Variants in OR4F16 observed in about 807,000 individuals in gnomAD.
OR4F16 encodes olfactory receptor family 4 subfamily F member 16, also known as olfactory receptor 4F3/4F16/4F29.
chr1:712,075 T>C, the OR4F16 span, among the ~76,000 whole-genome samples: 1 of 1,184 alleles, frequency 8.4e-4, no homozygotes, highest in African/African-American at 1.0e-3. Context: ...ATTATATATA[T>C]AATATTATAT....
At chr1:692,090 G>T in the OR4F16 span, among the ~76,000 whole-genome samples, 49 of 147,190 alleles carry the variant, frequency 3.3e-4, 1 homozygote, top group African/African-American at 1.3e-3. Context: ...AATCAGGCCA[G>T]GTGCAGTGGC....
At chr1:693,237 G>C in the OR4F16 span, among the ~76,000 whole-genome samples, 1 of 148,786 alleles carries the variant, frequency 6.7e-6, no homozygotes, top group Non-Finnish European at 1.5e-5. Context: ...GAGGAGAAGA[G>C]AGAACAAAGA....
At chr1:714,057 A>ATG in the OR4F16 span, among the ~76,000 whole-genome samples, 828 of 136,266 alleles carry the variant, frequency 6.1e-3, 4 homozygotes, top group Non-Finnish European at 9.3e-3. Flanking sequence ...ATATATATAT[A>ATG]TGTGTGTGTG....
chr1:715,898 A>G, the OR4F16 span, among the ~76,000 whole-genome samples: 2 of 150,254 alleles, frequency 1.3e-5, no homozygotes, highest in East Asian at 3.9e-4. Flanking sequence ...GGTAAGAAAA[A>G]TTAGGGGAAC....
chr1:712,009 T>C, the OR4F16 span: 1 of 111,288 alleles, frequency 9.0e-6, no homozygotes, highest in South Asian at 2.2e-4. Flanking sequence ...TTATATATTA[T>C]ATATTGTATA....
chr1:715,815 G>A, the OR4F16 span, among the ~76,000 whole-genome samples: 2 of 150,620 alleles, frequency 1.3e-5, no homozygotes, highest in Non-Finnish European at 2.9e-5. Context: ...CTGGGTGGTA[G>A]AGTAAGACCC....
the OR4F16 span, among the ~76,000 whole-genome samples, chr1:715,578 G>A: frequency 1.1e-5 from 1 of 91,828 alleles, no homozygotes; most frequent in African/African-American, 5.0e-5. Flanking sequence ...GCTTATGTCT[G>A]TAATATCAGC....
the OR4F16 span, among the ~76,000 whole-genome samples, chr1:717,269 AG>A: frequency 4.6e-5 from 7 of 151,456 alleles, no homozygotes; most frequent in African/African-American, 1.5e-4. Flanking sequence ...TCTCACAGAT[AG>A]GGATCCAGAT....
chr1:713,549 C>A, the OR4F16 span, among the ~76,000 whole-genome samples: 2 of 135,214 alleles, frequency 1.5e-5, no homozygotes, highest in Non-Finnish European at 3.0e-5. Flanking sequence ...CCACCATAGT[C>A]TCTCCCATTT....
the OR4F16 span, among the ~76,000 whole-genome samples, chr1:710,142 AT>A: frequency 7.9e-6 from 1 of 126,084 alleles, no homozygotes; most frequent in African/African-American, 2.7e-5. Flanking sequence ...TTGGAAAAAA[AT>A]AATATCATAT....
chr1:717,396 CTTCAAAA>C, the OR4F16 span, among the ~76,000 whole-genome samples: 3 of 144,882 alleles, frequency 2.1e-5, no homozygotes, highest in African/African-American at 7.7e-5. Flanking sequence ...AAAACTTATC[CTTCAAAA>C]ATGAAGGAGA....
chr1:687,284 AC>A (rs1203140799), upstream of OR4F16, among the ~76,000 whole-genome samples: 4 of 134,334 alleles, frequency 3.0e-5, no homozygotes, highest in Non-Finnish European at 6.3e-5. Flanking sequence ...TCTCATGCTT[AC>A]TGCTATTTAA....
the OR4F16 span, among the ~76,000 whole-genome samples, chr1:701,538 G>T: frequency 6.7e-6 from 1 of 150,366 alleles, no homozygotes; most frequent in Non-Finnish European, 1.5e-5. Flanking sequence ...TCTGGTGAAG[G>T]TCTTTAGCCC....
chr1:713,497 T>C, the OR4F16 span, among the ~76,000 whole-genome samples: 2 of 139,616 alleles, frequency 1.4e-5, no homozygotes, highest in Non-Finnish European at 3.0e-5. Context: ...ATATAGTCAA[T>C]CTCTATCTCA....
upstream of OR4F16, among the ~76,000 whole-genome samples, chr1:690,877 T>C (rs1228768580): frequency 2.0e-5 from 3 of 148,204 alleles, no homozygotes; most frequent in African/African-American, 7.8e-5. Context: ...ATTTATTATA[T>C]ATTCTAAAAT....
chr1:711,871 T>C, the OR4F16 span: 1 of 17,212 alleles, frequency 5.8e-5, no homozygotes, highest in African/African-American at 2.1e-4. Flanking sequence ...CAGTTCTTCA[T>C]TGAATCCTGG....
the OR4F16 span, among the ~76,000 whole-genome samples, chr1:701,513 G>C: frequency 6.7e-6 from 1 of 150,340 alleles, no homozygotes; most frequent in Non-Finnish European, 1.5e-5. Flanking sequence ...TTCCAGAGAG[G>C]TTCTGTCAGA....
At chr1:677,308 TCTC>T in the OR4F16 span, among the ~76,000 whole-genome samples, 3,093 of 110,952 alleles carry the variant, frequency 0.028, 662 homozygotes, top group East Asian at 0.36. Flanking sequence ...GAACGCCTCT[TCTC>T]CTCCAAAGGA....
At chr1:711,980 A>G in the OR4F16 span, 5 of 113,724 alleles carry the variant, frequency 4.4e-5, no homozygotes, top group African/African-American at 2.0e-4. Flanking sequence ...TATCTATTAT[A>G]TATAATATTA....
Sources: allele counts gnomAD v4.1 joint callset (sites outside exome capture counted in the v4.1 genomes callset), GRCh38; gene constraint gnomAD v4.1.1; transcripts MANE v1.5; gene names NCBI Gene and HGNC (gene_info 2026-07-23, HGNC 2026-07-21).